The following PITPNC1 variants were observed in gnomAD, a reference collection of about 807,000 sequenced individuals.
PITPNC1 encodes the protein phosphatidylinositol transfer protein cytoplasmic 1, also known as cytoplasmic phosphatidylinositol transfer protein 1.
A neutral mutation model predicts 44.7 loss-of-function variants in PITPNC1; 18 were observed. The observed-to-expected ratio is 0.40, with a 90% CI of 0.28 to 0.60. The LOEUF (loss-of-function observed/expected upper bound fraction) is 0.60, where lower values mean the gene tolerates loss of function less well. Among genes scored for constraint, PITPNC1 ranks in the 20% least tolerant of loss-of-function variants. PITPNC1 has a pLI of 0.39. For missense variants in PITPNC1, 290 were observed against 418.4 expected, an observed-to-expected ratio of 0.69 and a Z score of 2.68; for synonymous variants, 141 against 149.6, an observed-to-expected ratio of 0.94 and a Z score of 0.42.
chr17:67,552,477 T>C (rs2040780290), intron 3 of PITPNC1, 132 bp downstream of exon 3: 2 of 624,948 alleles, frequency 3.2e-6, no homozygotes, highest in East Asian at 5.4e-5. Flanking sequence ...CTTTTTTTTT[T>C]TGGTTTCTTA....
chr17:67,692,315 T>C (rs1438463186), intron 8 of PITPNC1, among the ~76,000 whole-genome samples: 1 of 152,200 alleles, frequency 6.6e-6, no homozygotes, highest in African/African-American at 2.4e-5. Flanking sequence ...TTATTGAGAA[T>C]ACTTAAAATA....
chr17:67,433,150 T>C (rs555206462), intron 1 of PITPNC1, among the ~76,000 whole-genome samples: 1 of 152,284 alleles, frequency 6.6e-6, no homozygotes, highest in African/African-American at 2.4e-5. Flanking sequence ...CATTTGATTG[T>C]GACTTACGTG....
intron 1 of PITPNC1, among the ~76,000 whole-genome samples, chr17:67,419,854 C>G (rs1397707016): frequency 1.3e-5 from 2 of 151,672 alleles, no homozygotes; most frequent in East Asian, 3.9e-4. Flanking sequence ...TGCAGTGAGC[C>G]GAGACTGTGC....
chr17:67,399,354 A>G (rs773910940), intron 1 of PITPNC1, among the ~76,000 whole-genome samples: 23 of 152,024 alleles, frequency 1.5e-4, no homozygotes, highest in Admixed American at 7.2e-4. Flanking sequence ...GTCGTTGTCA[A>G]CTTTCAATGG....
At chr17:67,464,874 G>A (rs1241377938) in intron 1 of PITPNC1, among the ~76,000 whole-genome samples, 2 of 151,942 alleles carry the variant, frequency 1.3e-5, no homozygotes, top group Non-Finnish European at 2.9e-5. Flanking sequence ...TGAGTAGCTG[G>A]GACTACAGGC....
Position 67,694,267 on chromosome 17 carries a change from T to G in PITPNC1, c.*1379T>G, listed in dbSNP as rs568532162. ...GGGCAGGCCAAATCTCAGCATTGACTTTTGTCCTCCAAGAGAGGAAGAGAA... is the reference window on the plus strand; with the variant it reads ...GGGCAGGCCAAATCTCAGCATTGACGTTTGTCCTCCAAGAGAGGAAGAGAA... On this transcript the variant is annotated 3_prime_UTR_variant, in exon 9 of 9. Transcript: ENST00000581322. The G allele has an allele frequency of 6.6e-6, 1 of 152,358 alleles. No homozygotes were observed. The highest frequency in any genetic ancestry group is 1.9e-4 in the East Asian group (1 of 5,176). 9.4% of individuals were successfully genotyped at this position (152,358 alleles called of 1,614,324 possible). A position where few individuals can be genotyped will look rare whatever the true frequency, so the allele number is the denominator to read the frequency against.
At chr17:67,606,423 TAG>T (rs1451772635) in intron 5 of PITPNC1, among the ~76,000 whole-genome samples, 13 of 152,186 alleles carry the variant, frequency 8.5e-5, no homozygotes, top group African/African-American at 3.1e-4. Context: ...ACAATGTTCT[TAG>T]AGAGTGAAGT....
At chr17:67,636,703 C>A (rs1383091419) in intron 6 of PITPNC1, among the ~76,000 whole-genome samples, 1 of 152,214 alleles carries the variant, frequency 6.6e-6, no homozygotes, top group Non-Finnish European at 1.5e-5. Context: ...AGACTGCAGT[C>A]TGAACCCACC....
intron 1 of PITPNC1, among the ~76,000 whole-genome samples, chr17:67,434,739 G>C (rs2038908119): frequency 1.3e-5 from 2 of 151,606 alleles, no homozygotes; most frequent in African/African-American, 4.8e-5. Flanking sequence ...CTTGAGCCCA[G>C]GAGGTGGAGG....
At chr17:67,569,771 C>T (rs966819661) in intron 4 of PITPNC1, among the ~76,000 whole-genome samples, 7 of 152,138 alleles carry the variant, frequency 4.6e-5, no homozygotes, top group African/African-American at 1.7e-4. Context: ...CTTCCTAACA[C>T]TGCTACTGTT....
At chr17:67,606,933 C>A (rs955224985) in intron 5 of PITPNC1, among the ~76,000 whole-genome samples, 13 of 152,198 alleles carry the variant, frequency 8.5e-5, no homozygotes, top group Non-Finnish European at 1.8e-4. Flanking sequence ...GTCTGAAAAC[C>A]TGGCAGTCGC....
chr17:67,614,043 C>T (rs1027129899), intron 5 of PITPNC1, among the ~76,000 whole-genome samples: 30 of 139,416 alleles, frequency 2.2e-4, no homozygotes, highest in Admixed American at 1.8e-3. Context: ...CCCATGATCG[C>T]GCCACTGCAC....
At chr17:67,681,498 G>T (rs1375165566) in intron 8 of PITPNC1, among the ~76,000 whole-genome samples, 1 of 150,788 alleles carries the variant, frequency 6.6e-6, no homozygotes, top group African/African-American at 2.4e-5. Context: ...AGTCCCAGCT[G>T]CTTGGGAGGC....
intron 8 of PITPNC1, among the ~76,000 whole-genome samples, chr17:67,691,223 T>C (rs1222828896): frequency 6.6e-6 from 1 of 152,196 alleles, no homozygotes; most frequent in Non-Finnish European, 1.5e-5. Context: ...AGGAACTGTA[T>C]TTTTGCACAG....
intron 1 of PITPNC1, among the ~76,000 whole-genome samples, chr17:67,429,373 C>G (rs2038821861): frequency 6.6e-6 from 1 of 151,964 alleles, no homozygotes; most frequent in South Asian, 2.1e-4. Context: ...GATGTAAGAT[C>G]ATCTGTTTTT....
intron 5 of PITPNC1, among the ~76,000 whole-genome samples, chr17:67,610,919 CAAAA>C (rs35933545): frequency 3.7e-5 from 3 of 81,346 alleles, no homozygotes; most frequent in Non-Finnish European, 5.2e-5. Flanking sequence ...GACTCTGTCT[CAAAA>C]AAAAAAAAAA....
chr17:67,406,450 T>A (rs2038402696), intron 1 of PITPNC1, among the ~76,000 whole-genome samples: 1 of 152,212 alleles, frequency 6.6e-6, no homozygotes, highest in African/African-American at 2.4e-5. Context: ...ACATTTCATG[T>A]AAATGGAATC....
chr17:67,423,453 G>C (rs2038699627), intron 1 of PITPNC1, among the ~76,000 whole-genome samples: 1 of 152,098 alleles, frequency 6.6e-6, no homozygotes, highest in Admixed American at 6.6e-5. Context: ...ATGTGGGCTT[G>C]GTACAGAGAG....
intron 1 of PITPNC1, among the ~76,000 whole-genome samples, chr17:67,522,657 A>ATTTTTTTTTTTTTTTTTTTTTT (rs1219049449): frequency 2.0e-4 from 12 of 59,958 alleles, no homozygotes; most frequent in African/African-American, 1.1e-3. Flanking sequence ...TACCATTTTA[A>ATTTTTTTTTTTTTTTTTTTTTT]TCTTTTTTTT....
Sources: allele counts gnomAD v4.1 joint callset (sites outside exome capture counted in the v4.1 genomes callset), GRCh38; gene constraint gnomAD v4.1.1; transcripts MANE v1.5; gene names NCBI Gene and HGNC (gene_info 2026-07-23, HGNC 2026-07-21).